The following CDC42BPA variants were observed in gnomAD, a reference collection of about 807,000 sequenced individuals.
CDC42BPA encodes the protein serine/threonine-protein kinase MRCK alpha.
In CDC42BPA, 80 loss-of-function variants were observed where a neutral mutation model predicts 223.5. The ratio of observed to expected loss-of-function variants is 0.36; its 90% CI spans 0.30 to 0.43. The LOEUF (loss-of-function observed/expected upper bound fraction) is 0.43, where lower values mean the gene tolerates loss of function less well. Among genes scored for constraint, CDC42BPA ranks in the 20% least tolerant of loss-of-function variants. CDC42BPA has a pLI of 1.00. For missense variants in CDC42BPA, 1,743 were observed against 2,099.9 expected (o/e 0.83, Z 3.32); for synonymous variants, 694 against 718.6 (o/e 0.97, Z 0.55).
In CDC42BPA at chr1:227,029,163, T is replaced by C. The variant is rs1376721606; in HGVS notation, c.3926A>G (p.Asn1309Ser). The C allele has an allele frequency of 1.2e-6, 2 of 1,604,290 alleles. No homozygotes were observed. The highest frequency in any genetic ancestry group is 1.3e-5 in the African/African-American group (1 of 74,942). The stretch of plus-strand genomic sequence containing the variant: ...CATAGGAAAAAGTCGTACATGACGA[T>C]TTCGTCCTGAGATCACAGCAACAAG... The part of the protein sequence containing the change: ...DQLVAVISGR[N>S]RHVRLFPMSA... The change falls in exon 30 of 37, where the codon AAT (asparagine) becomes AGT (serine). Residue 1309 changes from asparagine (N) to serine (S), a missense_variant. By Grantham distance (46) the Asn-to-Ser change is conservative. Around this residue, in one of 6 missense-constraint regions of CDC42BPA, gnomAD observed 678 missense variants for 777.5 expected, o/e 0.87. Transcript: ENST00000366766.
Position 227,129,276 on chromosome 1 carries a change from A to G in CDC42BPA, c.1391-45T>C, listed in dbSNP as rs904688940. The G allele has an allele frequency of 2.2e-6, 3 of 1,347,664 alleles. No individual in the cohort carries two copies. The Admixed American group carries it at 7.5e-5, about 34-fold the overall frequency. The allele number at this position is 1,347,664 out of a possible 1,614,324, so 83.5% of individuals were successfully genotyped here. ...AGAAATAAAAATATCACCATACTCT[A>G]AATTCTTAAAACTAATAACATTATT... On this transcript the variant is annotated intron_variant, in intron 10 of 36. Transcript: ENST00000366766.
chr1:227,285,973 C>G (rs566077448), intron 1 of CDC42BPA, among the ~76,000 whole-genome samples: 43 of 152,160 alleles, frequency 2.8e-4, no homozygotes, highest in Non-Finnish European at 5.6e-4. Flanking sequence ...ACCATTCTGT[C>G]CTCCTAAGCC....
At chr1:227,225,480 G>A (rs76745496) in intron 2 of CDC42BPA, among the ~76,000 whole-genome samples, 1 of 152,128 alleles carries the variant, frequency 6.6e-6, no homozygotes, top group East Asian at 1.9e-4. Flanking sequence ...TCACTCCCTG[G>A]CCTCACAGAG....
At position 227,213,231 on chromosome 1, in the gene CDC42BPA, A is replaced by G; in HGVS notation, c.271-12T>C. ...TTTACTACAGCAACCTAGAAAAGAT[A>G]AAGGAAATATAAATTTTAAAATAAT... On this transcript the variant is annotated splice_polypyrimidine_tract_variant and intron_variant, in intron 2 of 36. Transcript: ENST00000366766. 7.6e-7 allele frequency: 1 copy of G among 1,317,884 alleles called. No homozygotes were observed. The highest frequency in any genetic ancestry group is 1.1e-6 in the Non-Finnish European group (1 of 937,584). 81.6% of individuals were successfully genotyped at this position (1,317,884 alleles called of 1,614,324 possible).
At chr1:227,309,626 C>A (rs1693176165) in intron 1 of CDC42BPA, among the ~76,000 whole-genome samples, 1 of 152,166 alleles carries the variant, frequency 6.6e-6, no homozygotes, top group Non-Finnish European at 1.5e-5. Flanking sequence ...TTAAAAATCA[C>A]AAAGTAATGA....
chr1:227,242,252 C>T (rs1680155178), intron 2 of CDC42BPA, among the ~76,000 whole-genome samples: 1 of 151,934 alleles, frequency 6.6e-6, no homozygotes, highest in Admixed American at 6.6e-5. Flanking sequence ...CAGACTAGGG[C>T]AAGAAGGAAA....
At chr1:227,017,376 A>G (rs1039093209) in intron 32 of CDC42BPA, among the ~76,000 whole-genome samples, 11 of 152,214 alleles carry the variant, frequency 7.2e-5, no homozygotes, top group African/African-American at 2.7e-4. Flanking sequence ...TCTCAATACT[A>G]TATTTTCTCT....
rs116063905 is a variant in CDC42BPA at position 227,297,137 on chromosome 1, A to G, written c.178+19868T>C. On this transcript the variant is annotated intron_variant, in intron 1 of 36. Coordinates refer to ENST00000366766, the MANE Select transcript of CDC42BPA (RefSeq NM_001394014.1). ...TTAAAGTGGGCAAAGGGTTAATCAG[A>G]CATTTCTCCAAAGAAGATATACAAA... 3.4e-3 allele frequency among the ~76,000 whole-genome samples: 513 copies of G among 152,352 alleles called. 2 individuals are homozygous for G. Among genetic ancestry groups the G allele is most frequent in the Non-Finnish European group, 3.7e-3 (250 of 68,028 alleles).
At chr1:227,147,022 A>G (rs897733936) in intron 7 of CDC42BPA, among the ~76,000 whole-genome samples, 2 of 152,166 alleles carry the variant, frequency 1.3e-5, no homozygotes, top group East Asian at 3.8e-4. Flanking sequence ...TGCACTTATT[A>G]CCACTAAAGT....
chr1:227,081,773 C>T (rs1680717242), intron 16 of CDC42BPA, among the ~76,000 whole-genome samples: 1 of 151,944 alleles, frequency 6.6e-6, no homozygotes, highest in Non-Finnish European at 1.5e-5. Context: ...GTTCTCTTAT[C>T]CCCTCCTCCT....
At chr1:227,225,989 T>TGC (rs1221923805) in intron 2 of CDC42BPA, among the ~76,000 whole-genome samples, 1 of 152,246 alleles carries the variant, frequency 6.6e-6, no homozygotes, top group South Asian at 2.1e-4. Context: ...GGAAACACCC[T>TGC]GCCTCACAAG....
rs549837042 is a variant in CDC42BPA, at chr1:227,060,279, C to T, written c.2905-8294G>A. Among the ~76,000 whole-genome samples, 28 of 152,246 alleles carry T rather than the reference C, an allele frequency of 1.8e-4. No homozygotes were observed. The South Asian group carries it at 5.2e-3, about 28-fold the overall frequency. Reference sequence around the variant, plus strand: ...ATCTCCTGACCTCGTGATCCACCCACCTTGGCCTCCCAATCAAAATATTTT... The same window carrying T: ...ATCTCCTGACCTCGTGATCCACCCATCTTGGCCTCCCAATCAAAATATTTT... On this transcript the variant is annotated intron_variant, in intron 21 of 36. Coordinates refer to ENST00000366766, the MANE Select transcript of CDC42BPA (RefSeq NM_001394014.1).
intron 21 of CDC42BPA, among the ~76,000 whole-genome samples, chr1:227,064,703 G>C (rs1676619151): frequency 6.6e-6 from 1 of 151,178 alleles, no homozygotes; most frequent in Non-Finnish European, 1.5e-5. Flanking sequence ...TACAGCAGAA[G>C]GGATCTTGGT....
chr1:227,279,115 G>T (rs189960297), intron 1 of CDC42BPA, among the ~76,000 whole-genome samples: 2 of 151,912 alleles, frequency 1.3e-5, no homozygotes, highest in East Asian at 3.9e-4. Context: ...CAGATCCGTA[G>T]TTCTCTCTTC....
At chr1:227,297,452 T>C (rs1690838207) in intron 1 of CDC42BPA, among the ~76,000 whole-genome samples, 1 of 152,126 alleles carries the variant, frequency 6.6e-6, no homozygotes, top group African/African-American at 2.4e-5. Context: ...GCAAAAGAGT[T>C]AAAAATAGGG....
intron 5 of CDC42BPA, among the ~76,000 whole-genome samples, chr1:227,188,582 G>C (rs960821610): frequency 3.3e-5 from 5 of 152,098 alleles, no homozygotes; most frequent in Non-Finnish European, 7.4e-5. Context: ...ATTGCTAAGC[G>C]AGAGAAGCCA....
At chr1:227,155,990 G>A (rs557577016) in intron 6 of CDC42BPA, among the ~76,000 whole-genome samples, 1 of 152,150 alleles carries the variant, frequency 6.6e-6, no homozygotes, top group South Asian at 2.1e-4. Flanking sequence ...AAATATGTAA[G>A]TAAATGAAAT....
At chr1:227,256,978 C>T (rs1194170581) in intron 1 of CDC42BPA, among the ~76,000 whole-genome samples, 1 of 151,312 alleles carries the variant, frequency 6.6e-6, no homozygotes, top group Non-Finnish European at 1.5e-5. Context: ...CACACACACA[C>T]ACACACACAC....
intron 4 of CDC42BPA, 38 bp from the exon 5 acceptor site, chr1:227,193,972 A>G (rs1289223208): frequency 2.0e-6 from 3 of 1,495,648 alleles, no homozygotes; most frequent in Non-Finnish European, 2.7e-6. Context: ...CAGTAAACTA[A>G]TAAGGGTGAA....
Sources: gnomAD v4.1 joint callset for allele counts (sites outside exome capture counted in the v4.1 genomes callset) on GRCh38, gnomAD v4.1.1 for gene constraint, gnomAD v4.1.1 regional missense constraint, MANE v1.5 for transcripts, NCBI Gene and HGNC (gene_info 2026-07-23, HGNC 2026-07-21) for gene names.